Variants in NT5C2 observed in about 807,000 individuals in gnomAD.
NT5C2 encodes the protein cytosolic purine 5'-nucleotidase.
Under a neutral mutation model 76.1 loss-of-function variants are expected in NT5C2, and 58 were observed. The observed-to-expected ratio is 0.76, with a 90% CI of 0.62 to 0.95. The LOEUF is 0.95. Among genes scored for constraint, NT5C2 ranks in the 40% least tolerant of loss-of-function variants. The pLI is 0.00. For synonymous variants in NT5C2, 229 were observed against 237.4 expected (o/e 0.96, Z 0.32); for missense variants, 478 against 690.3 (o/e 0.69, Z 3.45).
At chr10:103,184,079 A>G (rs757294598) in intron 1 of NT5C2, among the ~76,000 whole-genome samples, 1 of 151,746 alleles carries the variant, frequency 6.6e-6, no homozygotes, top group Non-Finnish European at 1.5e-5. Context: ...CAGCCTCCCA[A>G]GTAGCTGGGA....
intron 14 of NT5C2, 52 bp downstream of exon 14, chr10:103,093,920 T>C: frequency 7.3e-7 from 1 of 1,360,948 alleles, no homozygotes; most frequent in East Asian, 2.3e-5. Flanking sequence ...ACCAAAGCTT[T>C]CACTGTGAGG....
At chr10:103,115,423 T>C (rs906309103) in intron 4 of NT5C2, among the ~76,000 whole-genome samples, 7 of 151,844 alleles carry the variant, frequency 4.6e-5, no homozygotes, top group African/African-American at 1.7e-4. Context: ...AAAAAGAAAA[T>C]AGCCTGGATG....
chr10:103,132,765 T>C (rs2078454141), intron 4 of NT5C2, among the ~76,000 whole-genome samples: 1 of 152,136 alleles, frequency 6.6e-6, no homozygotes, highest in Admixed American at 6.5e-5. Flanking sequence ...TTAGCCAGGA[T>C]GGTCTCGATC....
intron 3 of NT5C2, among the ~76,000 whole-genome samples, chr10:103,173,027 T>C (rs2088652162): frequency 6.6e-6 from 1 of 151,736 alleles, no homozygotes; most frequent in African/African-American, 2.4e-5. Context: ...CAAAACAAAA[T>C]CTGTAGAGTT....
chr10:103,123,709 A>T (rs1005017180), intron 4 of NT5C2, among the ~76,000 whole-genome samples: 3 of 152,244 alleles, frequency 2.0e-5, no homozygotes, highest in African/African-American at 7.2e-5. Flanking sequence ...TAACAGAAAT[A>T]AGGAGCTTAT....
chr10:103,155,675 C>CA (rs1447915566), intron 3 of NT5C2, among the ~76,000 whole-genome samples: 2 of 152,072 alleles, frequency 1.3e-5, no homozygotes, highest in East Asian at 3.9e-4. Flanking sequence ...GGTGACAGAG[C>CA]AAGACCCAGT....
chr10:103,158,508 A>C (rs776958878), intron 3 of NT5C2, among the ~76,000 whole-genome samples: 18 of 152,122 alleles, frequency 1.2e-4, no homozygotes, highest in Non-Finnish European at 2.6e-4. Flanking sequence ...GAAGACTCAA[A>C]TTACTAAAAT....
chr10:103,160,934 C>T (rs182835123), intron 3 of NT5C2, among the ~76,000 whole-genome samples: 1 of 151,892 alleles, frequency 6.6e-6, no homozygotes, highest in Non-Finnish European at 1.5e-5. Context: ...CACTTGAACC[C>T]GGGAGGCAGA....
chr10:103,179,678 G>A (rs1352442647), intron 2 of NT5C2, among the ~76,000 whole-genome samples: 2 of 152,052 alleles, frequency 1.3e-5, no homozygotes, highest in Non-Finnish European at 2.9e-5. Context: ...CTTCAGCCTG[G>A]GTGACAGAGT....
chr10:103,190,064 A>C (rs1474318834), intron 1 of NT5C2, among the ~76,000 whole-genome samples: 1 of 127,846 alleles, frequency 7.8e-6, no homozygotes, highest in African/African-American at 3.1e-5. Flanking sequence ...TGCGTGGCGC[A>C]ATCTCAGCTC....
intron 4 of NT5C2, among the ~76,000 whole-genome samples, chr10:103,117,442 T>C (rs1055823233): frequency 6.6e-6 from 1 of 152,130 alleles, no homozygotes; most frequent in Non-Finnish European, 1.5e-5. Flanking sequence ...AGCCCAGCAG[T>C]TCAAGATCCA....
intron 3 of NT5C2, among the ~76,000 whole-genome samples, chr10:103,172,555 AC>A (rs913516176): frequency 6.6e-6 from 1 of 151,908 alleles, no homozygotes; most frequent in Admixed American, 6.6e-5. Flanking sequence ...ATATTTGGGG[AC>A]CACTCACGGT....
intron 11 of NT5C2, among the ~76,000 whole-genome samples, 168 bp from the exon 12 acceptor site, chr10:103,096,148 A>AT (rs1170568492): frequency 6.6e-6 from 1 of 152,244 alleles, no homozygotes; most frequent in Non-Finnish European, 1.5e-5. Flanking sequence ...CCAGAAATTA[A>AT]TGCTTTACCA....
chr10:103,120,608 T>C (rs778915430), intron 4 of NT5C2, among the ~76,000 whole-genome samples: 1 of 152,178 alleles, frequency 6.6e-6, no homozygotes, highest in Non-Finnish European at 1.5e-5. Flanking sequence ...AGAATGAGTA[T>C]TATCAAACAA....
intron 3 of NT5C2, among the ~76,000 whole-genome samples, chr10:103,163,638 A>C (rs1248617662): frequency 6.6e-6 from 1 of 151,734 alleles, no homozygotes; most frequent in Non-Finnish European, 1.5e-5. Context: ...AGTTCTTTAT[A>C]TACTCCAGAT....
At chr10:103,133,264 TCC>T (rs751209079) in intron 4 of NT5C2, among the ~76,000 whole-genome samples, 87 of 151,956 alleles carry the variant, frequency 5.7e-4, no homozygotes, top group Non-Finnish European at 1.0e-3. Flanking sequence ...GAACTGTAAG[TCC>T]ATTAAACTTT....
At chr10:103,091,019 GT>G (rs2066675857) in intron 16 of NT5C2, 23 bp from the exon 17 acceptor site, 1 of 1,606,438 alleles carries the variant, frequency 6.2e-7, no homozygotes, top group Admixed American at 1.7e-5. Context: ...GAAAAACTCA[GT>G]GAAAATCTCT....
chr10:103,114,713 T>C (rs1467013892), intron 4 of NT5C2, among the ~76,000 whole-genome samples: 1 of 152,190 alleles, frequency 6.6e-6, no homozygotes, highest in Non-Finnish European at 1.5e-5. Flanking sequence ...TGGGTAATAC[T>C]GTCAGTCTAT....
chr10:103,146,405 A>G lies in NT5C2; in HGVS notation c.102-6926T>C, dbSNP rs1032615932. On this transcript the variant is annotated intron_variant, in intron 3 of 18. Transcript: ENST00000404739. ...CAAATGAGACTAAGGATTCAAGTAT[A>G]AAATCTTCTTGGGCATCTGTTTTCC... 4 of 985,336 alleles carry G rather than the reference A, an allele frequency of 4.1e-6. No homozygotes were observed. The African/African-American group carries it at 7.0e-5, about 17-fold the overall frequency. 61.0% of individuals were successfully genotyped at this position (985,336 alleles called of 1,614,324 possible).
Sources: gnomAD v4.1 joint callset for allele counts (sites outside exome capture counted in the v4.1 genomes callset) on GRCh38, gnomAD v4.1.1 for gene constraint, MANE v1.5 for transcripts, NCBI Gene and HGNC (gene_info 2026-07-23, HGNC 2026-07-21) for gene names.